RYR2: variants seen among roughly 807,000 people sequenced by gnomAD.
RYR2 encodes the protein cardiac muscle ryanodine receptor-calcium release channel.
RYR2 carries 227 observed loss-of-function variants against 601.1 expected under a neutral mutation model. The ratio of observed to expected loss-of-function variants is 0.38; its 90% CI spans 0.34 to 0.42. The LOEUF (loss-of-function observed/expected upper bound fraction) is 0.42. Among genes scored for constraint, RYR2 ranks in the 10% least tolerant of loss-of-function variants. The pLI is 1.00. For synonymous variants in RYR2, 2,223 were observed against 2,175.1 expected (o/e 1.02, Z -0.61); for missense variants, 4,646 against 6,156.5 (o/e 0.75, Z 8.21).
At chr1:237,640,438 AT>A in intron 46 of RYR2, among the ~76,000 whole-genome samples, 1 of 152,318 alleles carries the variant, frequency 6.6e-6, no homozygotes, top group East Asian at 1.9e-4. Context: ...AGCAAGTGCA[AT>A]AACATTTATA....
Position 237,803,589 on chromosome 1 carries a change from C to T in RYR2, c.14151+1673C>T, listed in dbSNP as rs182347113. The stretch of plus-strand genomic sequence containing the variant: ...TACTGGGATTACAAGCGTGAGCCAC[C>T]ACGCCCAGTCTTGCATTTCTTAATG... On this transcript the variant is annotated intron_variant, in intron 98 of 104. Coordinates refer to ENST00000366574, the MANE Select transcript of RYR2 (RefSeq NM_001035.3). Among the ~76,000 whole-genome samples the T allele has an allele frequency of 5.4e-4, 82 of 152,226 alleles. No individual in the cohort carries two copies. In the South Asian group the frequency reaches 0.014, roughly 26 times the overall value.
intron 24 of RYR2, among the ~76,000 whole-genome samples, chr1:237,521,069 G>A (rs1667034384): frequency 6.6e-6 from 1 of 151,972 alleles, no homozygotes; most frequent in East Asian, 1.9e-4. Context: ...AATAAAAATT[G>A]TCCCAACAAT....
intron 91 of RYR2, among the ~76,000 whole-genome samples, chr1:237,787,597 CAAAAA>C (rs778668137): frequency 1.7e-5 from 1 of 60,396 alleles, no homozygotes; most frequent in African/African-American, 4.6e-5. Context: ...GTCTCAAAAA[CAAAAA>C]AAAAAAAAAA....
At position 237,614,627 on chromosome 1, in the gene RYR2, C is replaced by A. The variant is rs974906491; in HGVS notation, c.5499C>A (p.Ile1833=). 4 of 1,613,918 alleles carry A rather than the reference C, an allele frequency of 2.5e-6. No homozygotes were observed. Among genetic ancestry groups the A allele is most frequent in the Non-Finnish European group, 3.4e-6 (4 of 1,179,908 alleles). Residue 1833 remains isoleucine (I), a synonymous_variant, in exon 37 of 105, where the codon ATC becomes ATA. Transcript: ENST00000366574. This position sits in a 1 kb window ranked among gnomAD's most constrained non-coding sequence, Gnocchi z 4.3. ...KLFYTLLIMG[I]FHNEDLKHIL... Reference sequence around the variant, plus strand: ...TCTATACCCTGCTGATCATGGGCATCTTTCACAACGAGGACTTGAAGCACA... The same window carrying A: ...TCTATACCCTGCTGATCATGGGCATATTTCACAACGAGGACTTGAAGCACA...
chr1:237,719,412 T>C (rs1254084747), intron 73 of RYR2, among the ~76,000 whole-genome samples: 1 of 152,192 alleles, frequency 6.6e-6, no homozygotes, highest in African/African-American at 2.4e-5. Flanking sequence ...GATTCACGGT[T>C]CTGCAGGCTG....
intron 65 of RYR2, among the ~76,000 whole-genome samples, chr1:237,701,357 C>A (rs2149035831): frequency 6.6e-6 from 1 of 152,148 alleles, no homozygotes; most frequent in South Asian, 2.1e-4. Context: ...ATGGTGAAAC[C>A]CCGTCTCTAC....
chr1:237,598,794 T>A (rs1191935383), intron 34 of RYR2, among the ~76,000 whole-genome samples: 1 of 151,880 alleles, frequency 6.6e-6, no homozygotes, highest in East Asian at 1.9e-4. Flanking sequence ...AGTAAATAAA[T>A]AATAAAAATT....
intron 13 of RYR2, among the ~76,000 whole-genome samples, chr1:237,443,767 C>T (rs1185936619): frequency 1.3e-5 from 2 of 151,966 alleles, no homozygotes; most frequent in African/African-American, 4.8e-5. Flanking sequence ...AAAATGTAAA[C>T]ACCATTCTTA....
intron 11 of RYR2, among the ~76,000 whole-genome samples, chr1:237,419,447 GC>G (rs1705340900): frequency 1.3e-5 from 2 of 151,966 alleles, no homozygotes; most frequent in South Asian, 4.1e-4. Flanking sequence ...CTCTACTGTT[GC>G]TTATGTTTGT....
At chr1:237,044,214 C>T (rs779729571) in intron 1 of RYR2, among the ~76,000 whole-genome samples, 9 of 151,364 alleles carry the variant, frequency 5.9e-5, no homozygotes, top group Non-Finnish European at 1.3e-4. Context: ...ATTAACACCA[C>T]ATTAGATTTT....
intron 1 of RYR2, among the ~76,000 whole-genome samples, chr1:237,059,312 A>C (rs2148223492): frequency 6.6e-6 from 1 of 152,290 alleles, no homozygotes; most frequent in East Asian, 1.9e-4. Flanking sequence ...GGGCAGACTA[A>C]AATCTGACCC....
intron 1 of RYR2, among the ~76,000 whole-genome samples, chr1:237,119,743 T>G (rs1433578917): frequency 2.0e-5 from 3 of 152,180 alleles, no homozygotes; most frequent in East Asian, 3.9e-4. Flanking sequence ...TTCCATTGCC[T>G]TTCGGTGCCA....
At chr1:237,459,055 G>A (rs911645453) in intron 16 of RYR2, among the ~76,000 whole-genome samples, 3 of 152,208 alleles carry the variant, frequency 2.0e-5, no homozygotes, top group African/African-American at 7.2e-5. Context: ...CCACAGTAAC[G>A]ATTGAGATAA....
intron 21 of RYR2, among the ~76,000 whole-genome samples, chr1:237,502,753 G>T (rs1177116477): frequency 5.3e-5 from 8 of 151,902 alleles, no homozygotes; most frequent in Non-Finnish European, 1.2e-4. Context: ...GTCGTGGCCT[G>T]GGGGTTGGGG....
chr1:237,473,459 T>TTCTTTCTTTCTTTCTTTCTTTCTA (rs1450110678), intron 17 of RYR2, among the ~76,000 whole-genome samples: 22 of 136,672 alleles, frequency 1.6e-4, no homozygotes, highest in African/African-American at 5.1e-4. Flanking sequence ...CTTTCTTTCT[T>TTCTTTCTTTCTTTCTTTCTTTCTA]TCTATCTATC....
intron 58 of RYR2, among the ~76,000 whole-genome samples, chr1:237,669,228 G>T (rs1432431378): frequency 6.6e-6 from 1 of 150,822 alleles, no homozygotes; most frequent in Non-Finnish European, 1.5e-5. Flanking sequence ...CAAGGCAGAA[G>T]AATTTTTCTT....
chr1:237,365,666 A>G (rs573050996), intron 5 of RYR2, among the ~76,000 whole-genome samples: 1 of 152,316 alleles, frequency 6.6e-6, no homozygotes, highest in Admixed American at 6.5e-5. Flanking sequence ...ATAACTTATG[A>G]TTTGGGGTTT....
chr1:237,540,851 T>G (rs925297163), intron 25 of RYR2, among the ~76,000 whole-genome samples: 1 of 152,022 alleles, frequency 6.6e-6, no homozygotes, highest in African/African-American at 2.4e-5. Context: ...AGGTGATATC[T>G]CTGAGGCATA....
At chr1:237,182,689 A>G (rs1678913077) in intron 1 of RYR2, among the ~76,000 whole-genome samples, 1 of 152,218 alleles carries the variant, frequency 6.6e-6, no homozygotes, top group Non-Finnish European at 1.5e-5. Context: ...ACAACGGTAT[A>G]CTAGTCCATT....
Sources: gnomAD v4.1 joint callset for allele counts (sites outside exome capture counted in the v4.1 genomes callset) on GRCh38, gnomAD v4.1.1 for gene constraint, Gnocchi (gnomAD v3.1) non-coding constraint, MANE v1.5 for transcripts, NCBI Gene and HGNC (gene_info 2026-07-23, HGNC 2026-07-21) for gene names.